Variants in CRACD observed in about 807,000 individuals in gnomAD.
The protein encoded by CRACD is capping protein inhibiting regulator of actin dynamics.
CRACD carries 56 observed loss-of-function variants against 106.8 expected under a neutral mutation model. The observed-to-expected ratio is 0.52, with a 90% CI of 0.42 to 0.66. The LOEUF (loss-of-function observed/expected upper bound fraction) is 0.66, where lower values mean the gene tolerates loss of function less well. Among genes scored for constraint, CRACD ranks in the 30% least tolerant of loss-of-function variants. The pLI, the probability that CRACD is intolerant of heterozygous loss-of-function variation, is 0.00. For synonymous variants in CRACD, 754 were observed against 670.8 expected (o/e 1.12, Z -1.92); for missense variants, 1,730 against 1,623.2 (o/e 1.07, Z -1.13).
chr4:56,116,633 T>C (rs1378323843), intron 1 of CRACD, among the ~76,000 whole-genome samples: 2 of 152,234 alleles, frequency 1.3e-5, no homozygotes, highest in Non-Finnish European at 2.9e-5. Flanking sequence ...TAAGTAAACT[T>C]ACGCATTTTA....
chr4:56,074,020 T>TCGC (rs1732752537), intron 1 of CRACD, among the ~76,000 whole-genome samples: 1 of 152,150 alleles, frequency 6.6e-6, no homozygotes, highest in South Asian at 2.1e-4. Flanking sequence ...TGTAGATGTG[T>TCGC]GTTGTTATTT....
At position 56,310,796 on chromosome 4, in the gene CRACD, C is replaced by G. The variant is rs1471735510; in HGVS notation, c.354+62C>G. On this transcript the variant is annotated intron_variant, in intron 6 of 10. Coordinates refer to ENST00000682029, the MANE Select transcript of CRACD (RefSeq NM_001393381.1). ...CTTACTTAACTTTCATCTTCCCCCC[C>G]CCTTTTTTTTTTTTGCGACCTGCTG... The G allele has an allele frequency of 7.3e-4, 709 of 973,510 alleles. 13 individuals are homozygous for G. The African/African-American group carries it at 0.011, about 15-fold the overall frequency. The allele number at this position is 973,510 out of a possible 1,614,324, so 60.3% of individuals were successfully genotyped here.
chr4:56,249,863 G>C (rs565604600), intron 2 of CRACD, among the ~76,000 whole-genome samples: 2 of 152,290 alleles, frequency 1.3e-5, no homozygotes, highest in Admixed American at 6.5e-5. Flanking sequence ...TACTGCCTTT[G>C]TATCTGATTT....
chr4:56,193,692 T>A (rs1281637067), intron 2 of CRACD, among the ~76,000 whole-genome samples: 1 of 152,256 alleles, frequency 6.6e-6, no homozygotes, highest in Non-Finnish European at 1.5e-5. Flanking sequence ...GTATACCCAG[T>A]GTCATACACA....
intron 5 of CRACD, chr4:56,308,901 C>T (rs1301161049): frequency 1.0e-5 from 13 of 1,288,786 alleles, no homozygotes; most frequent in Middle Eastern, 2.2e-4. Flanking sequence ...GCACTGTGGC[C>T]TGGGGGATTG....
intron 2 of CRACD, among the ~76,000 whole-genome samples, chr4:56,251,317 C>T (rs1049021598): frequency 2.6e-5 from 4 of 152,096 alleles, no homozygotes; most frequent in South Asian, 2.1e-4. Context: ...TCTGGTCTCA[C>T]GTAGAAATCA....
chr4:56,279,812 T>C (rs561152383), intron 3 of CRACD, among the ~76,000 whole-genome samples: 39 of 152,268 alleles, frequency 2.6e-4, no homozygotes, highest in Non-Finnish European at 4.3e-4. Flanking sequence ...CAAAGGACTA[T>C]AAATCATGCG....
At chr4:56,070,162 AC>A (rs1732590210) in intron 1 of CRACD, among the ~76,000 whole-genome samples, 1 of 152,044 alleles carries the variant, frequency 6.6e-6, no homozygotes, top group African/African-American at 2.4e-5. Context: ...CATGCTCTTC[AC>A]CCAGCACTCT....
intron 1 of CRACD, among the ~76,000 whole-genome samples, chr4:56,119,311 T>C (rs1734402177): frequency 6.6e-6 from 1 of 152,084 alleles, no homozygotes; most frequent in Admixed American, 6.6e-5. Context: ...TGATATGTAA[T>C]TGAGTTCTAT....
chr4:56,232,740 T>TTTATTTATTTA (rs1560494535), intron 2 of CRACD, among the ~76,000 whole-genome samples: 3 of 43,328 alleles, frequency 6.9e-5, no homozygotes, highest in South Asian at 1.1e-3. Context: ...TTATTTATTT[T>TTTATTTATTTA]TTGAGATGGA....
chr4:56,218,513 C>CCT (rs1738849795), intron 2 of CRACD, among the ~76,000 whole-genome samples: 1 of 131,270 alleles, frequency 7.6e-6, no homozygotes, highest in Non-Finnish European at 1.6e-5. Flanking sequence ...TTCCCCTCCC[C>CCT]TCCCCTCCCT....
intron 1 of CRACD, among the ~76,000 whole-genome samples, chr4:56,141,760 C>T (rs948968850): frequency 7.3e-5 from 10 of 136,574 alleles, no homozygotes; most frequent in Non-Finnish European, 1.2e-4. Flanking sequence ...GTGCCATGAT[C>T]GCAGCTCACT....
At chr4:56,089,536 G>A (rs1420842562) in intron 1 of CRACD, among the ~76,000 whole-genome samples, 3 of 140,926 alleles carry the variant, frequency 2.1e-5, no homozygotes, top group South Asian at 2.2e-4. Context: ...TTTTTGAGAC[G>A]GAGTTTCGGT....
At chr4:56,052,294 A>G (rs917690935) in intron 1 of CRACD, among the ~76,000 whole-genome samples, 2 of 152,306 alleles carry the variant, frequency 1.3e-5, no homozygotes, top group Admixed American at 6.5e-5. Context: ...TAATGCTTAG[A>G]CTTTGAATGT....
intron 2 of CRACD, among the ~76,000 whole-genome samples, chr4:56,217,402 T>G (rs1738762187): frequency 7.2e-6 from 1 of 139,768 alleles, no homozygotes; most frequent in Non-Finnish European, 1.5e-5. Flanking sequence ...CATGTAAAAG[T>G]ACATTGGTTC....
rs138538788 is a variant in CRACD, at chr4:56,075,770, C to A, written c.-336+26471C>A. The stretch of plus-strand genomic sequence containing the variant: ...GTGTCCATGGGTTCCTTTCCCTTAG[C>A]GTGTTTTCAAGGGTCACCTACATTG... On this transcript the variant is annotated intron_variant, in intron 1 of 10. Transcript: ENST00000682029. 4.1e-3 allele frequency among the ~76,000 whole-genome samples: 625 copies of A among 152,254 alleles called. 3 individuals are homozygous for A. Among genetic ancestry groups the A allele is most frequent in the Non-Finnish European group, 6.0e-3 (409 of 68,016 alleles).
chr4:56,190,999 A>G (rs1390681507), intron 2 of CRACD, among the ~76,000 whole-genome samples: 6 of 152,196 alleles, frequency 3.9e-5, no homozygotes, highest in Non-Finnish European at 7.3e-5. Context: ...TTACAATTCA[A>G]GATGAGATTT....
Position 56,228,784 on chromosome 4 carries a change from G to A in CRACD, c.-188-43537G>A, listed in dbSNP as rs191122619. On this transcript the variant is annotated intron_variant, in intron 2 of 10. Coordinates refer to ENST00000682029, the MANE Select transcript of CRACD (RefSeq NM_001393381.1). ...GGAGTTTTATCAAGAGGACAGCAGA[G>A]AACATCTGATGATACTTTATGTAGG... is the stretch of plus-strand genomic sequence containing the variant. Among the ~76,000 whole-genome samples the A allele has an allele frequency of 2.6e-5, 4 of 152,220 alleles. No homozygotes were observed. The East Asian group carries it at 7.7e-4, about 29-fold the overall frequency.
intron 1 of CRACD, among the ~76,000 whole-genome samples, chr4:56,075,487 A>G (rs1326493859): frequency 6.6e-6 from 1 of 152,210 alleles, no homozygotes; most frequent in Non-Finnish European, 1.5e-5. Context: ...AGGTGTTTAT[A>G]GTATTCTCTG....
Sources: gnomAD v4.1 joint callset for allele counts (sites outside exome capture counted in the v4.1 genomes callset) on GRCh38, gnomAD v4.1.1 for gene constraint, MANE v1.5 for transcripts, NCBI Gene and HGNC (gene_info 2026-07-23, HGNC 2026-07-21) for gene names.